The following TTLL5 variants were observed in gnomAD, a reference collection of about 807,000 sequenced individuals.
TTLL5 encodes tubulin polyglutamylase TTLL5.
Under a neutral mutation model 168.4 loss-of-function variants are expected in TTLL5, and 132 were observed. The ratio of observed to expected loss-of-function variants is 0.78; its 90% CI spans 0.68 to 0.91. The LOEUF is 0.91. TTLL5 is among the 40% of genes least tolerant of loss of function. The pLI is 0.00. For missense variants in TTLL5, 1,545 were observed against 1,581.5 expected, an observed-to-expected ratio of 0.98 and a Z score of 0.39; for synonymous variants, 546 against 558.6, an observed-to-expected ratio of 0.98 and a Z score of 0.32.
At chr14:75,847,061 G>A (rs745386718) in intron 28 of TTLL5, among the ~76,000 whole-genome samples, 1 of 151,882 alleles carries the variant, frequency 6.6e-6, no homozygotes, top group Non-Finnish European at 1.5e-5. Context: ...CAGTATAGTG[G>A]CACAATCTCA....
chr14:75,682,501 A>C (rs1485231510), intron 4 of TTLL5, among the ~76,000 whole-genome samples: 5 of 152,132 alleles, frequency 3.3e-5, no homozygotes, highest in African/African-American at 1.2e-4. Context: ...CTCAAAAATC[A>C]CATTCTGGAG....
At chr14:75,729,914 G>A (rs1448054412) in intron 12 of TTLL5, among the ~76,000 whole-genome samples, 1 of 152,178 alleles carries the variant, frequency 6.6e-6, no homozygotes, top group African/African-American at 2.4e-5. Flanking sequence ...TTGGGGAAAT[G>A]GTTAAGTAAA....
chr14:75,811,071 A>G (rs998265755), intron 27 of TTLL5, among the ~76,000 whole-genome samples: 10 of 149,598 alleles, frequency 6.7e-5, no homozygotes, highest in Non-Finnish European at 1.3e-4. Context: ...TTTTCTACTC[A>G]ACTGGTGAAA....
chr14:75,681,044 C>T (rs1197244198), intron 3 of TTLL5, among the ~76,000 whole-genome samples: 1 of 151,968 alleles, frequency 6.6e-6, no homozygotes, highest in South Asian at 2.1e-4. Context: ...TACGTAATTA[C>T]AAAGGAAATA....
chr14:75,883,415 C>T (rs2140026086), intron 30 of TTLL5, among the ~76,000 whole-genome samples: 1 of 152,326 alleles, frequency 6.6e-6, no homozygotes, highest in Middle Eastern at 3.4e-3. Flanking sequence ...AGCCAGTGAA[C>T]TAGAAATAGA....
chr14:75,877,682 T>G (rs2031571760), intron 29 of TTLL5, among the ~76,000 whole-genome samples: 1 of 152,266 alleles, frequency 6.6e-6, no homozygotes, highest in African/African-American at 2.4e-5. Context: ...TAATATTGTA[T>G]ATCGAAACCT....
intron 26 of TTLL5, among the ~76,000 whole-genome samples, 158 bp from the exon 27 acceptor site, chr14:75,792,758 A>G (rs1169415798): frequency 6.6e-6 from 1 of 152,128 alleles, no homozygotes; most frequent in African/African-American, 2.4e-5. Flanking sequence ...GTAACCATTT[A>G]TTTTTGTGAT....
At chr14:75,719,194 CA>C (rs559745273) in intron 10 of TTLL5, among the ~76,000 whole-genome samples, 242 of 152,172 alleles carry the variant, frequency 1.6e-3, no homozygotes, top group African/African-American at 5.4e-3. Context: ...AGTGTTACCT[CA>C]AAAAAATCAG....
Position 75,777,089 on chromosome 14 carries a change from G to T in TTLL5, c.2387+239G>T, listed in dbSNP as rs1891759819. On this transcript the variant is annotated intron_variant, in intron 23 of 31. Coordinates refer to ENST00000298832, the MANE Select transcript of TTLL5 (RefSeq NM_015072.5). ...TAGTGAGACCCTGTCTCTAAATGAT[G>T]AAAAAAGAAATCATTCTCAGAAGGA... Among the ~76,000 whole-genome samples, 7 of 152,106 alleles carry T rather than the reference G, an allele frequency of 4.6e-5. 1 individual carries two copies. In the South Asian group the frequency reaches 1.5e-3, roughly 32 times the overall value.
chr14:75,728,360 A>G, intron 12 of TTLL5, among the ~76,000 whole-genome samples: 1 of 77,010 alleles, frequency 1.3e-5, no homozygotes. Flanking sequence ...CCATCTCAGA[A>G]AAAAAAAAAA....
At chr14:75,816,289 A>C in intron 27 of TTLL5, among the ~76,000 whole-genome samples, 1 of 152,164 alleles carries the variant, frequency 6.6e-6, no homozygotes, top group Non-Finnish European at 1.5e-5. Flanking sequence ...GCCTGGTGGC[A>C]GGTGCCTATA....
chr14:75,876,968 G>A (rs1278416974), intron 29 of TTLL5, among the ~76,000 whole-genome samples: 1 of 152,214 alleles, frequency 6.6e-6, no homozygotes, highest in African/African-American at 2.4e-5. Flanking sequence ...CTTCTCAATA[G>A]TTTAGCTTCC....
intron 28 of TTLL5, among the ~76,000 whole-genome samples, chr14:75,826,923 A>AAAGATCTCACCCT (rs2307515): frequency 6.6e-6 from 1 of 151,988 alleles, no homozygotes; most frequent in South Asian, 2.1e-4. Flanking sequence ...TCCTTTAACT[A>AAAGATCTCACCCT]ACCCACCTGC....
At chr14:75,934,263 C>T (rs1451818868) in intron 31 of TTLL5, among the ~76,000 whole-genome samples, 1 of 152,128 alleles carries the variant, frequency 6.6e-6, no homozygotes, top group Non-Finnish European at 1.5e-5. Flanking sequence ...GTATGCCTTC[C>T]AGGAGGAGGA....
Position 75,882,779 on chromosome 14 carries a change from A to G in TTLL5, c.3617A>G (p.Gln1206Arg), listed in dbSNP as rs754752694. 3.7e-6 allele frequency: 6 copies of G among 1,614,130 alleles called. No homozygotes were observed. In the South Asian group the frequency reaches 4.4e-5, roughly 12 times the overall value. ...ATTTCCAGTGCCACAGCTAGTGGCC[A>G]GAAGCCAACCACTCTGCCACAAAAA... The part of the protein sequence containing the change: ...CRISSATASG[Q>R]KPTTLPQKVV... The change falls in exon 30 of 32, where the codon CAG becomes CGG. Residue 1206 changes from glutamine (Q) to arginine (R), a missense_variant. Transcript: ENST00000298832.
At chr14:75,922,753 TAGGG>T (rs1236224878) in intron 31 of TTLL5, among the ~76,000 whole-genome samples, 4 of 152,236 alleles carry the variant, frequency 2.6e-5, no homozygotes, top group Non-Finnish European at 5.9e-5. Flanking sequence ...TAAAATGAGT[TAGGG>T]AGGTTTCCCT....
chr14:75,764,183 C>T (rs765618580), intron 18 of TTLL5, among the ~76,000 whole-genome samples: 1 of 152,162 alleles, frequency 6.6e-6, no homozygotes, highest in Non-Finnish European at 1.5e-5. Flanking sequence ...ATTTTATATA[C>T]ATTCAAAAGA....
At chr14:75,897,780 T>C (rs2032737889) in intron 30 of TTLL5, among the ~76,000 whole-genome samples, 1 of 152,142 alleles carries the variant, frequency 6.6e-6, no homozygotes, top group Non-Finnish European at 1.5e-5. Flanking sequence ...GCTTAAGCAG[T>C]TTTTAATAAT....
chr14:75,852,020 A>G (rs1896882788), intron 28 of TTLL5, among the ~76,000 whole-genome samples: 3 of 152,222 alleles, frequency 2.0e-5, no homozygotes, highest in African/African-American at 4.8e-5. Flanking sequence ...AGATTATCAC[A>G]TGTAATTTTT....
Sources: allele counts gnomAD v4.1 joint callset (sites outside exome capture counted in the v4.1 genomes callset), GRCh38; gene constraint gnomAD v4.1.1; transcripts MANE v1.5; gene names NCBI Gene and HGNC (gene_info 2026-07-23, HGNC 2026-07-21).